Variants in SMYD3 observed in about 807,000 individuals in gnomAD.
SMYD3 encodes SET and MYND domain containing 3, also known as histone-lysine N-methyltransferase SMYD3.
In SMYD3, 36 loss-of-function variants were observed where a neutral mutation model predicts 57.7. That is an observed-to-expected ratio of 0.62 (90% CI 0.48 to 0.82). The LOEUF is 0.82. Among genes scored for constraint, SMYD3 ranks in the 40% least tolerant of loss-of-function variants. The pLI, the probability that SMYD3 is intolerant of heterozygous loss-of-function variation, is 0.00. For synonymous variants in SMYD3, 211 were observed against 195.0 expected, an observed-to-expected ratio of 1.08 and a Z score of -0.68; for missense variants, 515 against 538.8, an observed-to-expected ratio of 0.96 and a Z score of 0.44.
Position 245,854,445 on chromosome 1 carries a change from T to C in SMYD3, c.1076+4051A>G, listed in dbSNP as rs140485447. 4.7e-4 allele frequency among the ~76,000 whole-genome samples: 72 copies of C among 152,260 alleles called. 2 individuals carry two copies. The highest frequency in any genetic ancestry group is 1.5e-3 in the African/African-American group (64 of 41,554). ...CATAAATGGAAACGACAGAGATTGATCTAAAAATTATGGCATATCCATGAG... is the reference window on the plus strand; with the variant it reads ...CATAAATGGAAACGACAGAGATTGACCTAAAAATTATGGCATATCCATGAG... On this transcript the variant is annotated intron_variant, in intron 10 of 11. Transcript: ENST00000490107.
chr1:246,479,878 A>G (rs2068080114), intron 1 of SMYD3, among the ~76,000 whole-genome samples: 3 of 152,130 alleles, frequency 2.0e-5, no homozygotes, highest in Admixed American at 1.3e-4. Flanking sequence ...GCTGGCACGT[A>G]AAGTCTCACA....
At chr1:245,946,981 G>A (rs1348237075) in intron 5 of SMYD3, among the ~76,000 whole-genome samples, 2 of 152,032 alleles carry the variant, frequency 1.3e-5, no homozygotes. Flanking sequence ...AATAATGCGG[G>A]GCAGCGTCGA....
At chr1:245,858,361 G>T (rs930551661) in intron 10 of SMYD3, 135 bp downstream of exon 10, 24 of 858,170 alleles carry the variant, frequency 2.8e-5, no homozygotes, top group Non-Finnish European at 3.9e-5. Flanking sequence ...AATAAGACTT[G>T]GTTTTAAACA....
chr1:245,847,353 T>TC (rs1327398491), intron 10 of SMYD3, among the ~76,000 whole-genome samples: 1 of 152,212 alleles, frequency 6.6e-6, no homozygotes, highest in Non-Finnish European at 1.5e-5. Flanking sequence ...GTAACTGAAG[T>TC]CCCATCCATC....
intron 1 of SMYD3, among the ~76,000 whole-genome samples, chr1:246,364,098 A>T (rs2066056555): frequency 6.6e-6 from 1 of 152,094 alleles, no homozygotes; most frequent in African/African-American, 2.4e-5. Context: ...TGGAAAAGGC[A>T]AGGACACAGA....
chr1:246,424,421 A>T (rs528541812), intron 1 of SMYD3, among the ~76,000 whole-genome samples: 36 of 152,200 alleles, frequency 2.4e-4, no homozygotes, highest in South Asian at 6.2e-4. Context: ...AAAATAAATT[A>T]AAAAAATAAA....
chr1:246,117,738 C>A (rs1360610479), intron 5 of SMYD3, among the ~76,000 whole-genome samples: 1 of 152,132 alleles, frequency 6.6e-6, no homozygotes, highest in East Asian at 1.9e-4. Context: ...AGGTTTGTTA[C>A]GTAGGTAAAC....
intron 5 of SMYD3, among the ~76,000 whole-genome samples, chr1:246,028,626 A>T (rs1330106966): frequency 6.6e-6 from 1 of 152,196 alleles, no homozygotes; most frequent in African/African-American, 2.4e-5. Flanking sequence ...AAATTGGAAG[A>T]ATTAATATTG....
intron 5 of SMYD3, among the ~76,000 whole-genome samples, chr1:246,212,231 T>G (rs1380494024): frequency 2.6e-5 from 4 of 152,070 alleles, no homozygotes; most frequent in South Asian, 2.1e-4. Context: ...TAATTGTATA[T>G]CTAGTCAATT....
rs76587407 is a variant in SMYD3, at chr1:246,225,795, G to A, written c.531+101406C>T. Among the ~76,000 whole-genome samples, 227 of 152,196 alleles carry A rather than the reference G, an allele frequency of 1.5e-3. 2 individuals carry two copies. The East Asian group carries it at 0.031, about 21-fold the overall frequency. On this transcript the variant is annotated intron_variant, in intron 5 of 11. Transcript: ENST00000490107. ...TGCCAAATCTAATCAGAGGTTTTGC[G>A]GAGGGATTCGTAACAACTATATTCT...
intron 10 of SMYD3, among the ~76,000 whole-genome samples, chr1:245,844,548 A>G (rs531250693): frequency 6.6e-6 from 1 of 152,096 alleles, no homozygotes; most frequent in East Asian, 1.9e-4. Context: ...GTGTTTAAAC[A>G]ATGTGATCAG....
At chr1:246,489,564 G>A (rs565880062) in intron 1 of SMYD3, among the ~76,000 whole-genome samples, 3 of 152,154 alleles carry the variant, frequency 2.0e-5, no homozygotes, top group East Asian at 1.9e-4. Flanking sequence ...TGCTCTATTC[G>A]ACAGCGATTT....
chr1:245,802,492 GT>G (rs1258624368), intron 10 of SMYD3, among the ~76,000 whole-genome samples: 1 of 152,134 alleles, frequency 6.6e-6, no homozygotes, highest in African/African-American at 2.4e-5. Context: ...AAAATGATTG[GT>G]TTTTTAAAAA....
chr1:246,292,227 T>TCTTAGACTTACTATCCAAAACACCAGTGC (rs2064707803), intron 5 of SMYD3, among the ~76,000 whole-genome samples: 1 of 147,938 alleles, frequency 6.8e-6, no homozygotes, highest in Non-Finnish European at 1.5e-5. Context: ...CACACCAGCA[T>TCTTAGACTTACTATCCAAAACACCAGTGC]CTTAGACTTA....
intron 1 of SMYD3, among the ~76,000 whole-genome samples, chr1:246,390,600 C>G (rs2066544712): frequency 6.6e-6 from 1 of 152,112 alleles, no homozygotes; most frequent in African/African-American, 2.4e-5. Context: ...TTTTAATTTT[C>G]TAGTAATATT....
At chr1:246,000,744 T>C (rs2059024291) in intron 5 of SMYD3, among the ~76,000 whole-genome samples, 1 of 152,232 alleles carries the variant, frequency 6.6e-6, no homozygotes, top group Non-Finnish European at 1.5e-5. Flanking sequence ...CTACAAGCCT[T>C]ACACTCATCA....
intron 1 of SMYD3, among the ~76,000 whole-genome samples, chr1:246,415,008 C>T (rs973239568): frequency 1.5e-4 from 23 of 152,160 alleles, no homozygotes; most frequent in Admixed American, 2.0e-4. Context: ...TGAGCCACCG[C>T]GCCCGGCTGG....
intron 8 of SMYD3, among the ~76,000 whole-genome samples, chr1:245,873,328 A>T (rs895884833): frequency 6.6e-6 from 1 of 152,192 alleles, no homozygotes; most frequent in African/African-American, 2.4e-5. Context: ...TTCTTTTCAC[A>T]TCTGTAGAGA....
intron 5 of SMYD3, among the ~76,000 whole-genome samples, chr1:246,004,216 A>G (rs2059132168): frequency 6.6e-6 from 1 of 152,240 alleles, no homozygotes; most frequent in Non-Finnish European, 1.5e-5. Flanking sequence ...AGAAATAATA[A>G]TTCTCATTTT....
Sources: gnomAD v4.1 joint callset for allele counts (sites outside exome capture counted in the v4.1 genomes callset) on GRCh38, gnomAD v4.1.1 for gene constraint, MANE v1.5 for transcripts, NCBI Gene and HGNC (gene_info 2026-07-23, HGNC 2026-07-21) for gene names.